ATP11B: variants seen among roughly 807,000 people sequenced by gnomAD.
ATP11B encodes the protein ATPase phospholipid transporting 11B (putative).
A neutral mutation model predicts 157.8 loss-of-function variants in ATP11B; 81 were observed. That is an observed-to-expected ratio of 0.51 (90% CI 0.43 to 0.62). The LOEUF (loss-of-function observed/expected upper bound fraction) is 0.62, where lower values mean the gene tolerates loss of function less well. ATP11B is among the 20% of genes least tolerant of loss of function. The pLI, the probability that ATP11B is intolerant of heterozygous loss-of-function variation, is 0.00. For synonymous variants in ATP11B, 451 were observed against 469.4 expected, an observed-to-expected ratio of 0.96 and a Z score of 0.51; for missense variants, 1,165 against 1,402.2, an observed-to-expected ratio of 0.83 and a Z score of 2.70.
In ATP11B at chr3:182,889,447, T is replaced by C. The variant is rs1425106139; in HGVS notation, c.2881T>C (p.Phe961Leu). 1.3e-6 allele frequency: 2 copies of C among 1,578,360 alleles called. No homozygotes were observed. The highest frequency in any genetic ancestry group is 1.7e-6 in the Non-Finnish European group (2 of 1,167,522). ...SKNRLLSIKT[F>L]LYWTILGFSH... ...AAACCGCCTCTTAAGTATTAAAACA[T>C]TTCTTTATTGGACCATCCTGGGCTT... Residue 961 changes from phenylalanine to leucine, a missense_variant, in exon 25 of 30, where the codon TTT becomes CTT. Transcript: ENST00000323116.
At chr3:182,846,842 T>A (rs1719570836) in intron 9 of ATP11B, among the ~76,000 whole-genome samples, 1 of 152,144 alleles carries the variant, frequency 6.6e-6, no homozygotes, top group Admixed American at 6.5e-5. Flanking sequence ...TGGAGAATGT[T>A]TGCTTAATGG....
At position 182,793,799 on chromosome 3, in the gene ATP11B, GC is replaced by G; in HGVS notation, c.27+17del. ...CCGGCAGCAGCTGGTAGGTGCCCCCGCCCCTCCACCTCCATTCGTCCGCCCC... is the reference window on the plus strand; with the variant it reads ...CCGGCAGCAGCTGGTAGGTGCCCCCGCCCTCCACCTCCATTCGTCCGCCCC... On this transcript the variant is annotated intron_variant, in intron 1 of 29. Transcript: ENST00000323116. 1 of 1,382,682 alleles carries G rather than the reference GC, an allele frequency of 7.2e-7. No homozygotes were observed. 85.7% of individuals were successfully genotyped at this position (1,382,682 alleles called of 1,614,324 possible).
rs139894046 is a variant in ATP11B at position 182,873,884 on chromosome 3, G to C, written c.2121G>C (p.Gly707=). ...GTATCAAAGTATGGGTACTTACTGG[G>C]GATAAACATGAAACAGCTGTTAGTG... is the stretch of plus-strand genomic sequence containing the variant. ...MAGIKVWVLT[G]DKHETAVSVS... The change falls in exon 19 of 30, where the codon GGG becomes GGC. Residue 707 remains glycine (G), a synonymous_variant. Transcript: ENST00000323116. 4.7e-4 allele frequency: 757 copies of C among 1,614,034 alleles called. 3 individuals are homozygous for C. In the African/African-American group the frequency reaches 9.6e-3, roughly 20 times the overall value.
chr3:182,834,275 T>C (rs1425717275), intron 4 of ATP11B, among the ~76,000 whole-genome samples: 2 of 152,246 alleles, frequency 1.3e-5, no homozygotes, highest in Non-Finnish European at 2.9e-5. Flanking sequence ...CCACAAGGTT[T>C]CCATCTGAAA....
At chr3:182,867,664 GCCTCCA>G (rs1269233704) in intron 15 of ATP11B, among the ~76,000 whole-genome samples, 2 of 143,568 alleles carry the variant, frequency 1.4e-5, no homozygotes, top group Non-Finnish European at 3.0e-5. Context: ...GCTCACTGCA[GCCTCCA>G]CCTCCCAGGT....
rs144873909 is a variant in ATP11B at position 182,909,914 on chromosome 3, A to T, written c.3319-3947A>T. Among the ~76,000 whole-genome samples the T allele has an allele frequency of 1.3e-3, 201 of 151,456 alleles. 4 individuals carry two copies. In the East Asian group the frequency reaches 0.039, roughly 29 times the overall value. On this transcript the variant is annotated intron_variant, in intron 28 of 29. Coordinates refer to ENST00000323116, the MANE Select transcript of ATP11B (RefSeq NM_014616.3). ...CTTCATCTCTACTAAAATGCAAAAAATTAGCTGGGCGTGGTGGTGTGTGCC... is the reference window on the plus strand; with the variant it reads ...CTTCATCTCTACTAAAATGCAAAAATTTAGCTGGGCGTGGTGGTGTGTGCC...
chr3:182,856,024 T>C (rs1332091030), intron 10 of ATP11B, among the ~76,000 whole-genome samples: 12 of 152,282 alleles, frequency 7.9e-5, no homozygotes. Flanking sequence ...GCAGTTGCAC[T>C]CTTGGGCATT....
chr3:182,891,336 A>G (rs1271315622), intron 25 of ATP11B, among the ~76,000 whole-genome samples: 2 of 152,220 alleles, frequency 1.3e-5, no homozygotes, highest in Non-Finnish European at 2.9e-5. Context: ...GCCCATTGTG[A>G]TAAGTTTGAA....
intron 18 of ATP11B, among the ~76,000 whole-genome samples, chr3:182,872,803 A>G (rs923902550): frequency 2.0e-5 from 3 of 152,334 alleles, no homozygotes; most frequent in Non-Finnish European, 4.4e-5. Context: ...ATGTCATGCA[A>G]ACACTTGAAG....
At chr3:182,861,447 A>T (rs1720832083) in intron 12 of ATP11B, among the ~76,000 whole-genome samples, 1 of 152,190 alleles carries the variant, frequency 6.6e-6, no homozygotes, top group Non-Finnish European at 1.5e-5. Context: ...TGCTTCAATA[A>T]ATACGGCACT....
chr3:182,829,642 A>G (rs1717978752), intron 3 of ATP11B, 30 bp from the exon 4 acceptor site: 1 of 1,401,344 alleles, frequency 7.1e-7, no homozygotes, highest in Admixed American at 1.8e-5. Context: ...ATAAAAATAT[A>G]ATATTCTGTA....
At chr3:182,811,270 C>T (rs1423745849) in intron 1 of ATP11B, among the ~76,000 whole-genome samples, 1 of 152,144 alleles carries the variant, frequency 6.6e-6, no homozygotes, top group Non-Finnish European at 1.5e-5. Flanking sequence ...TAATTGCATT[C>T]CTGGAAAATT....
intron 29 of ATP11B, chr3:182,917,298 G>T: frequency 1.0e-6 from 1 of 985,300 alleles, no homozygotes; most frequent in Non-Finnish European, 1.2e-6. Flanking sequence ...CTTGAACTAG[G>T]TTAGTCTATT....
intron 1 of ATP11B, among the ~76,000 whole-genome samples, chr3:182,818,918 A>G (rs1182045706): frequency 4.4e-5 from 6 of 137,060 alleles, no homozygotes; most frequent in Non-Finnish European, 7.6e-5. Flanking sequence ...CCACTATGTA[A>G]AAAAAAAAAA....
intron 1 of ATP11B, among the ~76,000 whole-genome samples, chr3:182,804,598 G>GT (rs562369447): frequency 1.2e-3 from 181 of 152,052 alleles, no homozygotes; most frequent in Non-Finnish European, 2.1e-3. Flanking sequence ...ATAGTAGTCT[G>GT]TTTTTTCTCT....
rs748887339 is a variant in ATP11B at position 182,865,461 on chromosome 3, G to A, written c.1206G>A (p.Glu402=). The part of the protein sequence containing the change: ...SDLNEELGQV[E]YVFTDKTGTL... The stretch of plus-strand genomic sequence containing the variant: ...TTTGTTTTCTATCTCTATAGGTAGA[G>A]TACGTGTTTACAGATAAAACTGGTA... Residue 402 remains glutamate (E), a synonymous_variant, in exon 13 of 30, where the codon GAG becomes GAA. Coordinates refer to ENST00000323116, the MANE Select transcript of ATP11B (RefSeq NM_014616.3). 6 of 1,613,406 alleles carry A rather than the reference G, an allele frequency of 3.7e-6. No homozygotes were observed. The South Asian group carries it at 5.5e-5, about 15-fold the overall frequency.
rs766248151 is a variant in ATP11B, at chr3:182,845,534, T to C, written c.769+12T>C. 23 of 1,551,850 alleles carry C rather than the reference T, an allele frequency of 1.5e-5. No individual in the cohort carries two copies. The highest frequency in any genetic ancestry group is 1.8e-5 in the Non-Finnish European group (21 of 1,148,306). On this transcript the variant is annotated intron_variant, in intron 9 of 29. Transcript: ENST00000323116. ...AAAAGAAATTTTTGGTTTGTACATA[T>C]TTAAACATTTTAAATTATTGATTTG... is the stretch of plus-strand genomic sequence containing the variant.
chr3:182,811,946 T>C (rs1716691508), intron 1 of ATP11B, among the ~76,000 whole-genome samples: 2 of 152,320 alleles, frequency 1.3e-5, no homozygotes, highest in South Asian at 2.1e-4. Context: ...AGTAATGGTT[T>C]CTTGGTTCAG....
At chr3:182,823,027 T>C (rs1717470771) in intron 2 of ATP11B, among the ~76,000 whole-genome samples, 1 of 152,258 alleles carries the variant, frequency 6.6e-6, no homozygotes, top group African/African-American at 2.4e-5. Flanking sequence ...CTTTGTCAGA[T>C]GGGTAGATTG....
Sources: gnomAD v4.1 joint callset for allele counts (sites outside exome capture counted in the v4.1 genomes callset) on GRCh38, gnomAD v4.1.1 for gene constraint, MANE v1.5 for transcripts, NCBI Gene and HGNC (gene_info 2026-07-23, HGNC 2026-07-21) for gene names.